The following BLTP1 variants were observed in gnomAD, a reference collection of about 807,000 sequenced individuals.
The protein encoded by BLTP1 is bridge-like lipid transfer protein family member 1.
the BLTP1 span, chr4:122,180,025 T>TACACACACAC: frequency 1.5e-6 from 1 of 682,430 alleles, no homozygotes; most frequent in Non-Finnish European, 1.8e-6. Flanking sequence ...CACGTGCATG[T>TACACACACAC]ACACACACAC....
chr4:122,297,294 G>A, the BLTP1 span, among the ~76,000 whole-genome samples: 87 of 152,152 alleles, frequency 5.7e-4, no homozygotes, highest in Non-Finnish European at 9.7e-4. Flanking sequence ...GCCAACAAAC[G>A]TATGAAAAAA....
At chr4:122,186,058 A>G in the BLTP1 span, 1 of 1,600,270 alleles carries the variant, frequency 6.2e-7, no homozygotes, top group South Asian at 1.1e-5. Flanking sequence ...AAACCAGGTT[A>G]TACATCACAG....
At chr4:122,331,444 G>A in the BLTP1 span, 1 of 1,612,006 alleles carries the variant, frequency 6.2e-7, no homozygotes, top group Non-Finnish European at 8.5e-7. Context: ...GAGAAATATT[G>A]ACTTTGAACT....
chr4:122,189,557 T>C, the BLTP1 span: 1 of 771,530 alleles, frequency 1.3e-6, no homozygotes, highest in Non-Finnish European at 1.6e-6. Flanking sequence ...AAAATGATAC[T>C]TATTAGTTAT....
chr4:122,316,059 G>A, the BLTP1 span, among the ~76,000 whole-genome samples: 1 of 152,248 alleles, frequency 6.6e-6, no homozygotes, highest in African/African-American at 2.4e-5. Context: ...CTAAATGGGT[G>A]AGTTTTATGG....
chr4:122,347,914 A>G, the BLTP1 span: 1 of 656,486 alleles, frequency 1.5e-6, no homozygotes, highest in Non-Finnish European at 2.6e-6. Flanking sequence ...AAAAAAAAAA[A>G]AATCCCCAAC....
the BLTP1 span, chr4:122,182,934 C>G: frequency 1.0e-6 from 1 of 979,668 alleles, no homozygotes; most frequent in African/African-American, 1.8e-5. Flanking sequence ...TTGAAAGACA[C>G]TTGGGTCACT....
At chr4:122,250,005 T>A in the BLTP1 span, 6 of 941,314 alleles carry the variant, frequency 6.4e-6, no homozygotes, top group Non-Finnish European at 7.6e-6. Context: ...TCAGTAGAAT[T>A]ATGCCATATA....
chr4:122,154,958 T>C, the BLTP1 span: 1 of 936,222 alleles, frequency 1.1e-6, no homozygotes, highest in Non-Finnish European at 1.3e-6. Flanking sequence ...AACTCAAGTA[T>C]ATTTTTTATG....
chr4:122,279,278 CAAA>C, the BLTP1 span, among the ~76,000 whole-genome samples: 1 of 152,260 alleles, frequency 6.6e-6, no homozygotes, highest in East Asian at 1.9e-4. Flanking sequence ...CAGTTAGACA[CAAA>C]GAAGATAAAA....
chr4:122,312,711 T>C, the BLTP1 span: 6 of 344,944 alleles, frequency 1.7e-5, no homozygotes, highest in African/African-American at 1.1e-4. Flanking sequence ...CAAACTAAGT[T>C]GTAATATTTC....
chr4:122,157,920 AC>A, the BLTP1 span, among the ~76,000 whole-genome samples: 1 of 152,168 alleles, frequency 6.6e-6, no homozygotes, highest in Non-Finnish European at 1.5e-5. Flanking sequence ...GTGTTGGTAA[AC>A]ACATGTGACC....
chr4:122,171,461 A>G, the BLTP1 span, among the ~76,000 whole-genome samples: 19 of 152,082 alleles, frequency 1.2e-4, no homozygotes, highest in Admixed American at 9.2e-4. Flanking sequence ...AAGAGAGGAA[A>G]CAAAGGGTAA....
chr4:122,328,007 C>A, the BLTP1 span: 2 of 938,354 alleles, frequency 2.1e-6, no homozygotes, highest in Non-Finnish European at 3.0e-6. Context: ...TGAAGAAATT[C>A]AACTCTGAGA....
chr4:122,171,075 A>T, the BLTP1 span, among the ~76,000 whole-genome samples: 3 of 152,194 alleles, frequency 2.0e-5, no homozygotes, highest in South Asian at 4.1e-4. Flanking sequence ...TTACAGAAAT[A>T]ATAAATCCTC....
chr4:122,248,275 G>A, the BLTP1 span: 1 of 215,072 alleles, frequency 4.6e-6, no homozygotes, highest in Non-Finnish European at 8.0e-6. Flanking sequence ...GTTTGCGTGG[G>A]TAACCAATTT....
the BLTP1 span, among the ~76,000 whole-genome samples, chr4:122,330,417 C>T: frequency 6.6e-6 from 1 of 151,764 alleles, no homozygotes; most frequent in Admixed American, 6.6e-5. Flanking sequence ...AAATAATAGT[C>T]ATGTTACCAG....
At chr4:122,274,534 A>G in the BLTP1 span, 8 of 1,478,110 alleles carry the variant, frequency 5.4e-6, no homozygotes, top group Admixed American at 8.7e-5. Flanking sequence ...TGTATATACA[A>G]TATCAGTTCC....
the BLTP1 span, chr4:122,298,266 G>T: frequency 1.1e-6 from 1 of 920,828 alleles, no homozygotes; most frequent in Non-Finnish European, 1.3e-6. Flanking sequence ...TGTTGTGTTT[G>T]TTGTATCTCA....
Sources: allele counts gnomAD v4.1 joint callset (sites outside exome capture counted in the v4.1 genomes callset), GRCh38; gene constraint gnomAD v4.1.1; transcripts MANE v1.5; gene names NCBI Gene and HGNC (gene_info 2026-07-23, HGNC 2026-07-21).